The following MOB3B variants were observed in gnomAD, a reference collection of about 807,000 sequenced individuals.
MOB3B encodes the protein MOB kinase activator 3B, also known as MOB kinase activator-like 2B.
In MOB3B, 7 loss-of-function variants were observed where a neutral mutation model predicts 18.7. That is an observed-to-expected ratio of 0.37 (90% CI 0.21 to 0.70). The LOEUF is 0.70. Among genes scored for constraint, MOB3B ranks in the 30% least tolerant of loss-of-function variants. MOB3B has a pLI of 0.52. For synonymous variants in MOB3B, 111 were observed against 99.9 expected (o/e 1.11, Z -0.66); for missense variants, 253 against 281.3 (o/e 0.90, Z 0.72).
At chr9:27,458,030 G>GT (rs1348302075) in intron 1 of MOB3B, among the ~76,000 whole-genome samples, 1 of 152,114 alleles carries the variant, frequency 6.6e-6, no homozygotes, top group Non-Finnish European at 1.5e-5. Flanking sequence ...GTGAGGACTT[G>GT]TTTTTTAAAA....
At chr9:27,405,943 T>C (rs1821961888) in intron 2 of MOB3B, among the ~76,000 whole-genome samples, 1 of 152,168 alleles carries the variant, frequency 6.6e-6, no homozygotes, top group African/African-American at 2.4e-5. Flanking sequence ...ATAAAAGCCA[T>C]ATATAACATA....
intron 3 of MOB3B, among the ~76,000 whole-genome samples, chr9:27,353,240 T>C (rs573910774): frequency 6.6e-6 from 1 of 152,336 alleles, no homozygotes; most frequent in African/African-American, 2.4e-5. Context: ...AGTCTCCTCC[T>C]CTCAGATGTA....
At position 27,521,422 on chromosome 9, in the gene MOB3B, G is replaced by A. The variant is rs1820323372; in HGVS notation, c.-199+8133C>T. Among the ~76,000 whole-genome samples, 5 of 152,204 alleles carry A rather than the reference G, an allele frequency of 3.3e-5. No homozygotes were observed. In the South Asian group the frequency reaches 8.3e-4, roughly 25 times the overall value. Reference sequence around the variant, plus strand: ...ACTGAACAATCTTTTAGCTTGGTTAGTATCATTGAACTGTCTCAAACTAGT... The same window carrying A: ...ACTGAACAATCTTTTAGCTTGGTTAATATCATTGAACTGTCTCAAACTAGT... On this transcript the variant is annotated intron_variant, in intron 1 of 3. Transcript: ENST00000262244.
intron 2 of MOB3B, among the ~76,000 whole-genome samples, chr9:27,418,408 C>T (rs12553718): frequency 0.36 from 54,666 of 151,764 alleles, 10,042 homozygotes; most frequent in Non-Finnish European, 0.38. Flanking sequence ...ACCAATATCC[C>T]TGATGAACAT....
intron 2 of MOB3B, among the ~76,000 whole-genome samples, chr9:27,442,093 T>C (rs942380255): frequency 5.9e-5 from 9 of 152,298 alleles, no homozygotes; most frequent in Non-Finnish European, 1.3e-4. Flanking sequence ...TTATTTTTCA[T>C]AAAAAAAGTT....
chr9:27,363,386 A>G (rs1821301908), intron 2 of MOB3B, among the ~76,000 whole-genome samples: 1 of 152,042 alleles, frequency 6.6e-6, no homozygotes, highest in Non-Finnish European at 1.5e-5. Flanking sequence ...CTCCTGCCTC[A>G]GCCTCCCAAG....
intron 1 of MOB3B, among the ~76,000 whole-genome samples, chr9:27,468,149 C>T (rs1305728526): frequency 6.6e-6 from 1 of 152,174 alleles, no homozygotes; most frequent in East Asian, 1.9e-4. Context: ...ATAGCCTTCT[C>T]AAGAGATTTC....
rs77514574 is a variant in MOB3B, at chr9:27,504,409, C to T, written c.-199+25146G>A. 7.8e-3 allele frequency among the ~76,000 whole-genome samples: 1,193 copies of T among 152,318 alleles called. 21 individuals are homozygous for T. The highest frequency in any genetic ancestry group is 0.027 in the African/African-American group (1,126 of 41,560). ...TTACCACAAGATATTATAGTAGTAACTGAATGAAGTATGCTCTTCAGCCCA... is the reference window on the plus strand; with the variant it reads ...TTACCACAAGATATTATAGTAGTAATTGAATGAAGTATGCTCTTCAGCCCA... On this transcript the variant is annotated intron_variant, in intron 1 of 3. Coordinates refer to ENST00000262244, the MANE Select transcript of MOB3B (RefSeq NM_024761.5).
chr9:27,382,120 G>C (rs1295197129), intron 2 of MOB3B, among the ~76,000 whole-genome samples: 1 of 152,160 alleles, frequency 6.6e-6, no homozygotes, highest in African/African-American at 2.4e-5. Flanking sequence ...GTTCAAATGA[G>C]CGATGAAATG....
chr9:27,440,903 A>G (rs1368924082), intron 2 of MOB3B, among the ~76,000 whole-genome samples: 2 of 152,164 alleles, frequency 1.3e-5, no homozygotes, highest in Admixed American at 1.3e-4. Flanking sequence ...TTTGTGGAAG[A>G]CAATTTTTCC....
chr9:27,418,801 C>G (rs1822195718), intron 2 of MOB3B, among the ~76,000 whole-genome samples: 1 of 151,832 alleles, frequency 6.6e-6, no homozygotes, highest in Non-Finnish European at 1.5e-5. Context: ...TCTCACCACT[C>G]CTCTTCAGAC....
chr9:27,465,852 C>G (rs1819375469), intron 1 of MOB3B, among the ~76,000 whole-genome samples: 1 of 152,190 alleles, frequency 6.6e-6, no homozygotes, highest in Non-Finnish European at 1.5e-5. Flanking sequence ...GGCTGGGACA[C>G]AGGGCACCAA....
chr9:27,333,034 T>C (rs1476440426), intron 3 of MOB3B, among the ~76,000 whole-genome samples: 1 of 152,180 alleles, frequency 6.6e-6, no homozygotes, highest in Non-Finnish European at 1.5e-5. Flanking sequence ...TGATGCCAGT[T>C]TGAATTATAG....
intron 1 of MOB3B, among the ~76,000 whole-genome samples, chr9:27,492,050 A>T (rs1819827241): frequency 6.6e-6 from 1 of 152,204 alleles, no homozygotes; most frequent in African/African-American, 2.4e-5. Context: ...AGAAGAAAGA[A>T]TTTTGCAAAT....
chr9:27,426,527 A>T (rs1485016624), intron 2 of MOB3B, among the ~76,000 whole-genome samples: 1 of 152,204 alleles, frequency 6.6e-6, no homozygotes, highest in Non-Finnish European at 1.5e-5. Context: ...GTTTGGGCAC[A>T]CAATGCTACC....
chr9:27,470,755 G>A (rs541932639), intron 1 of MOB3B, among the ~76,000 whole-genome samples: 22 of 152,066 alleles, frequency 1.4e-4, no homozygotes, highest in African/African-American at 5.3e-4. Flanking sequence ...CTTCTCTCCT[G>A]ACCCTTCCCT....
At position 27,367,933 on chromosome 9, in the gene MOB3B, T is replaced by C. The variant is rs530512496; in HGVS notation, c.419-8697A>G. ...TGTCAACAACAACCAGAAGTGCCCA[T>C]GTTTCTCCTTGAAACTGTTATTCAT... On this transcript the variant is annotated intron_variant, in intron 2 of 3. Coordinates refer to ENST00000262244, the MANE Select transcript of MOB3B (RefSeq NM_024761.5). Among the ~76,000 whole-genome samples the C allele has an allele frequency of 6.6e-5, 10 of 152,326 alleles. No homozygotes were observed. The East Asian group carries it at 1.7e-3, about 26-fold the overall frequency.
intron 3 of MOB3B, among the ~76,000 whole-genome samples, chr9:27,342,899 A>T (rs1244674249): frequency 6.7e-6 from 1 of 149,614 alleles, no homozygotes; most frequent in Admixed American, 6.6e-5. Flanking sequence ...CCGTCTGGGA[A>T]GTGAGGAGCG....
intron 2 of MOB3B, among the ~76,000 whole-genome samples, chr9:27,398,631 A>G (rs1047362956): frequency 6.6e-6 from 1 of 152,218 alleles, no homozygotes; most frequent in African/African-American, 2.4e-5. Context: ...TGAGTAGAAA[A>G]GCAAGCAGTG....
Sources: allele counts gnomAD v4.1 joint callset (sites outside exome capture counted in the v4.1 genomes callset), GRCh38; gene constraint gnomAD v4.1.1; transcripts MANE v1.5; gene names NCBI Gene and HGNC (gene_info 2026-07-23, HGNC 2026-07-21).